UTRN: variants seen among roughly 807,000 people sequenced by gnomAD.
UTRN encodes dystrophin-related protein 1.
A neutral mutation model predicts 463.9 loss-of-function variants in UTRN; 283 were observed. The observed-to-expected ratio is 0.61, with a 90% CI of 0.55 to 0.67. The LOEUF (loss-of-function observed/expected upper bound fraction) is 0.67, where lower values mean the gene tolerates loss of function less well. Among genes scored for constraint, UTRN ranks in the 30% least tolerant of loss-of-function variants. The pLI, the probability that UTRN is intolerant of heterozygous loss-of-function variation, is 0.00. For synonymous variants in UTRN, 1,442 were observed against 1,431.5 expected (o/e 1.01, Z -0.17); for missense variants, 3,922 against 4,084.3 (o/e 0.96, Z 1.08).
chr6:144,660,232 G>A (rs1305364192), intron 51 of UTRN: 1 of 471,066 alleles, frequency 2.1e-6, no homozygotes, highest in Admixed American at 2.3e-5. Context: ...ACAATGATTG[G>A]TCTGAACTTC....
Position 144,438,853 on chromosome 6 carries a change from T to A in UTRN, c.1350T>A (p.Asp450Glu), listed in dbSNP as rs1000926269. 1 of 1,614,164 alleles carries A rather than the reference T, an allele frequency of 6.2e-7. No homozygotes were observed. Among genetic ancestry groups the A allele is most frequent in the East Asian group, 2.2e-5 (1 of 44,882 alleles). ...RIQKMETCPL[D>E]DDVKSLQKLL... ...AGAAGATGGAAACTTGCCCCCTGGATGATGATGTAAAATCTCTACAAAAGC... is the reference window on the plus strand; with the variant it reads ...AGAAGATGGAAACTTGCCCCCTGGAAGATGATGTAAAATCTCTACAAAAGC... Residue 450 changes from aspartate to glutamate, a missense_variant, in exon 12 of 75, where the codon GAT becomes GAA. Asp to Glu is a conservative substitution (Grantham distance 45). Transcript: ENST00000367545.
At chr6:144,410,499 G>A (rs1333350035) in intron 3 of UTRN, among the ~76,000 whole-genome samples, 1 of 152,002 alleles carries the variant, frequency 6.6e-6, no homozygotes, top group African/African-American at 2.4e-5. Context: ...GATTTGGTGA[G>A]GTTTTGATGC....
At position 144,370,399 on chromosome 6, in the gene UTRN, T is replaced by C. The variant is rs528881464; in HGVS notation, c.80-32724T>C. ...GCCCCAACCCTGGGAGGCTTATGCA[T>C]GGTGTTGGACCTGTAGGTGCACAGA... On this transcript the variant is annotated intron_variant, in intron 2 of 74. Coordinates refer to ENST00000367545, the MANE Select transcript of UTRN (RefSeq NM_007124.3). Among the ~76,000 whole-genome samples the C allele has an allele frequency of 3.5e-4, 53 of 152,338 alleles. 1 individual carries two copies. The Middle Eastern group carries it at 0.017, about 49-fold the overall frequency.
chr6:144,814,723 A>T (rs1010281877), intron 65 of UTRN, among the ~76,000 whole-genome samples: 1 of 152,206 alleles, frequency 6.6e-6, no homozygotes, highest in Non-Finnish European at 1.5e-5. Context: ...TTCACTAATC[A>T]TGTGGGTGGT....
At chr6:144,377,234 A>T (rs772144962) in intron 2 of UTRN, among the ~76,000 whole-genome samples, 4 of 152,036 alleles carry the variant, frequency 2.6e-5, no homozygotes, top group Non-Finnish European at 5.9e-5. Flanking sequence ...AAAGGGTTTC[A>T]TCATGTTGGC....
intron 2 of UTRN, among the ~76,000 whole-genome samples, chr6:144,300,871 C>T (rs1374209738): frequency 6.6e-6 from 1 of 152,200 alleles, no homozygotes; most frequent in Non-Finnish European, 1.5e-5. Context: ...AGCAAATAGA[C>T]TTTAAAACAA....
chr6:144,721,562 C>T (rs1197141321), intron 53 of UTRN, among the ~76,000 whole-genome samples: 1 of 152,122 alleles, frequency 6.6e-6, no homozygotes. Context: ...CTAACTGATG[C>T]TGGTCTATTG....
intron 51 of UTRN, among the ~76,000 whole-genome samples, chr6:144,584,260 G>T (rs533833289): frequency 2.0e-5 from 3 of 152,208 alleles, no homozygotes; most frequent in Non-Finnish European, 1.5e-5. Context: ...ATCAGCTGCT[G>T]TATTTTTTTA....
intron 23 of UTRN, among the ~76,000 whole-genome samples, chr6:144,464,979 T>G (rs1188267887): frequency 4.6e-5 from 7 of 152,196 alleles, no homozygotes; most frequent in Admixed American, 4.6e-4. Context: ...ACTTGTTAAT[T>G]TCTGGAAACA....
At chr6:144,598,798 C>T (rs900993036) in intron 51 of UTRN, among the ~76,000 whole-genome samples, 22 of 152,124 alleles carry the variant, frequency 1.4e-4, no homozygotes, top group African/African-American at 5.3e-4. Flanking sequence ...TATAATGAGG[C>T]ATGTCCAACC....
At chr6:144,642,261 A>C (rs1777849053) in intron 51 of UTRN, among the ~76,000 whole-genome samples, 1 of 152,166 alleles carries the variant, frequency 6.6e-6, no homozygotes, top group African/African-American at 2.4e-5. Context: ...GTCCACAGAG[A>C]TTATATTCGT....
chr6:144,447,005 T>C (rs551650731), intron 14 of UTRN, among the ~76,000 whole-genome samples: 1 of 152,332 alleles, frequency 6.6e-6, no homozygotes, highest in East Asian at 1.9e-4. Context: ...CTGATTGTTC[T>C]GTTACAAATC....
intron 34 of UTRN, among the ~76,000 whole-genome samples, chr6:144,504,464 A>T (rs190908875): frequency 6.6e-6 from 1 of 152,192 alleles, no homozygotes; most frequent in Non-Finnish European, 1.5e-5. Flanking sequence ...ATTGAATTTT[A>T]TCAAAGGCCT....
intron 34 of UTRN, among the ~76,000 whole-genome samples, chr6:144,505,854 G>T (rs866535622): frequency 6.6e-6 from 1 of 152,144 alleles, no homozygotes; most frequent in African/African-American, 2.4e-5. Context: ...CCAGTTGGGC[G>T]TTAAAGTATC....
At chr6:144,833,829 T>C (rs1780876958) in intron 69 of UTRN, among the ~76,000 whole-genome samples, 2 of 152,186 alleles carry the variant, frequency 1.3e-5, no homozygotes, top group South Asian at 4.1e-4. Flanking sequence ...ATAACACAGC[T>C]AGGTTTAGGG....
At chr6:144,813,849 ACATTT>A (rs1778847122) in intron 65 of UTRN, among the ~76,000 whole-genome samples, 1 of 152,202 alleles carries the variant, frequency 6.6e-6, no homozygotes, top group Non-Finnish European at 1.5e-5. Context: ...AAAAGGTGTG[ACATTT>A]CTAGAATGCT....
intron 9 of UTRN, among the ~76,000 whole-genome samples, chr6:144,434,090 C>T (rs987779719): frequency 4.6e-5 from 7 of 152,354 alleles, no homozygotes; most frequent in East Asian, 1.9e-4. Flanking sequence ...TCTGCAATCC[C>T]GGCACCTCGG....
intron 45 of UTRN, among the ~76,000 whole-genome samples, chr6:144,540,149 T>G (rs1438679109): frequency 1.3e-5 from 2 of 152,152 alleles, no homozygotes; most frequent in Non-Finnish European, 2.9e-5. Context: ...AAATATATAT[T>G]TACTAGGTTC....
intron 51 of UTRN, among the ~76,000 whole-genome samples, chr6:144,590,275 C>A (rs1016314510): frequency 6.6e-6 from 1 of 152,110 alleles, no homozygotes; most frequent in Non-Finnish European, 1.5e-5. Context: ...AAAATGAGTT[C>A]ATTTTGCACT....
Sources: allele counts gnomAD v4.1 joint callset (sites outside exome capture counted in the v4.1 genomes callset), GRCh38; gene constraint gnomAD v4.1.1; transcripts MANE v1.5; gene names NCBI Gene and HGNC (gene_info 2026-07-23, HGNC 2026-07-21).